The following SLC4A4 variants were observed in gnomAD, a reference collection of about 807,000 sequenced individuals.
SLC4A4 encodes electrogenic sodium bicarbonate cotransporter 1.
In SLC4A4, 27 loss-of-function variants were observed where a neutral mutation model predicts 111.5. That is an observed-to-expected ratio of 0.24 (90% CI 0.18 to 0.33). The LOEUF (loss-of-function observed/expected upper bound fraction) is 0.33, where lower values mean the gene tolerates loss of function less well. Ranked by LOEUF, SLC4A4 falls within the 10% of genes least tolerant of loss-of-function variation. The pLI is 1.00. For synonymous variants in SLC4A4, 443 were observed against 463.4 expected (o/e 0.96, Z 0.57); for missense variants, 909 against 1,315.5 (o/e 0.69, Z 4.78).
intron 1 of SLC4A4, among the ~76,000 whole-genome samples, chr4:71,196,980 C>T (rs975432768): frequency 6.6e-5 from 10 of 150,982 alleles, no homozygotes; most frequent in African/African-American, 1.7e-4. Context: ...TTTGGGAGGC[C>T]GAGGTGGGCG....
At position 71,155,055 on chromosome 4, in the gene SLC4A4, T is replaced by A. The variant is rs142333272; in HGVS notation, c.-2+62263T>A. On this transcript the variant is annotated intron_variant, in intron 2 of 26. Coordinates refer to the SLC4A4 transcript ENST00000649996. ...AATTTAGTGGGTCACAATGAGCATT[T>A]TGTGATATTTGTTTTTATTTGTATT... Among the ~76,000 whole-genome samples the A allele has an allele frequency of 2.3e-4, 35 of 149,710 alleles. No individual in the cohort carries two copies. In the East Asian group the frequency reaches 6.5e-3, roughly 28 times the overall value.
At chr4:71,239,278 T>C (rs1720022538) in intron 2 of SLC4A4, among the ~76,000 whole-genome samples, 1 of 152,182 alleles carries the variant, frequency 6.6e-6, no homozygotes, top group African/African-American at 2.4e-5. Flanking sequence ...TAAAACTTTG[T>C]TTTTTACAGT....
intron 3 of SLC4A4, among the ~76,000 whole-genome samples, chr4:71,274,848 C>T (rs1429510667): frequency 6.6e-6 from 1 of 152,132 alleles, no homozygotes; most frequent in African/African-American, 2.4e-5. Flanking sequence ...TAGTTTAGGT[C>T]ATAAAAAACT....
rs72860055 is a variant in SLC4A4 at position 71,162,612 on chromosome 4, A to C, written c.-2+69820A>C. Among the ~76,000 whole-genome samples the C allele has an allele frequency of 9.4e-3, 1,430 of 152,322 alleles. 26 individuals carry two copies. Among genetic ancestry groups the C allele is most frequent in the African/African-American group, 0.033 (1,355 of 41,568 alleles). ...AGAGAGGGGTGTGAACCACTAATGA[A>C]TGTAGACCACAGGGGAGAGTGGATT... On this transcript the variant is annotated intron_variant, in intron 2 of 26. Transcript: ENST00000649996.
intron 1 of SLC4A4, among the ~76,000 whole-genome samples, chr4:71,219,314 A>T (rs181583080): frequency 2.0e-5 from 3 of 152,334 alleles, no homozygotes; most frequent in East Asian, 1.9e-4. Flanking sequence ...CTTAAGATTT[A>T]TGCTAAATCT....
chr4:71,064,476 A>G (rs1214410493), intron 1 of SLC4A4, among the ~76,000 whole-genome samples: 1 of 152,244 alleles, frequency 6.6e-6, no homozygotes, highest in Non-Finnish European at 1.5e-5. Context: ...TTGGTGAATT[A>G]GGAAAATGAA....
At chr4:71,332,440 A>G (rs537029389) in intron 3 of SLC4A4, among the ~76,000 whole-genome samples, 17 of 126,172 alleles carry the variant, frequency 1.3e-4, no homozygotes, top group Non-Finnish European at 2.9e-4. Context: ...CTGACTGTGT[A>G]TTTTCTTTTT....
At chr4:71,101,944 A>G (rs36162373) in intron 2 of SLC4A4, among the ~76,000 whole-genome samples, 88,375 of 151,518 alleles carry the variant, frequency 0.58, 29,958 homozygotes, top group Non-Finnish European at 0.75. Flanking sequence ...GAGCTGAGAG[A>G]AGAAGGCTTC....
chr4:71,236,643 G>A lies in SLC4A4; in HGVS notation c.67G>A (p.Val23Ile). 1 of 1,613,626 alleles carries A rather than the reference G, an allele frequency of 6.2e-7. No homozygotes were observed. The highest frequency in any genetic ancestry group is 1.6e-4 in the Middle Eastern group (1 of 6,062). Residue 23 changes from valine (V) to isoleucine (I), a missense_variant, in exon 2 of 26, where the codon GTA becomes ATA. By Grantham distance (29) the Val-to-Ile change is conservative (BLOSUM62 3). This residue lies in a region of SLC4A4 where 117 missense variants were observed against 154.2 expected (regional missense o/e 0.76). Coordinates refer to ENST00000264485, the MANE Select transcript of SLC4A4 (RefSeq NM_001098484.3). Reference protein sequence around the residue: ...FLKHVCDEEEVEGHHTIYIGV... With the variant: ...FLKHVCDEEEIEGHHTIYIGV... ...CAAGCATGTGTGTGATGAAGAAGAA[G>A]TAGAAGGTGAGCTTTATGGGTCTGG...
intron 7 of SLC4A4, among the ~76,000 whole-genome samples, chr4:71,402,216 TA>T (rs568299055): frequency 5.3e-5 from 8 of 152,190 alleles, no homozygotes; most frequent in Non-Finnish European, 1.0e-4. Context: ...ATAACTATCT[TA>T]AAATGAAATC....
intron 2 of SLC4A4, among the ~76,000 whole-genome samples, chr4:71,138,107 G>C (rs1237017769): frequency 1.3e-5 from 2 of 152,186 alleles, no homozygotes; most frequent in Admixed American, 6.5e-5. Flanking sequence ...CAATATGTTA[G>C]TGTGCCCTTG....
At chr4:71,150,351 C>A (rs1015420753) in intron 2 of SLC4A4, among the ~76,000 whole-genome samples, 18 of 152,020 alleles carry the variant, frequency 1.2e-4, no homozygotes, top group African/African-American at 4.3e-4. Flanking sequence ...GAAACAGATG[C>A]CCTTCTCATA....
At chr4:71,234,874 G>A (rs1286931661) in intron 1 of SLC4A4, among the ~76,000 whole-genome samples, 3 of 152,164 alleles carry the variant, frequency 2.0e-5, no homozygotes, top group African/African-American at 7.2e-5. Flanking sequence ...ATACAAGGCC[G>A]ATATTATTGA....
At chr4:71,534,617 T>C (rs966890784) in intron 18 of SLC4A4, among the ~76,000 whole-genome samples, 15 of 152,238 alleles carry the variant, frequency 9.9e-5, no homozygotes, top group Admixed American at 7.2e-4. Context: ...ATCATATTTC[T>C]TTCACCAGCA....
intron 3 of SLC4A4, among the ~76,000 whole-genome samples, chr4:71,269,218 A>G (rs1054238893): frequency 6.6e-6 from 1 of 152,252 alleles, no homozygotes; most frequent in Non-Finnish European, 1.5e-5. Flanking sequence ...AAAGCTGGGT[A>G]TATTCAAAAT....
chr4:71,554,012 A>G (rs1230243213), intron 20 of SLC4A4, among the ~76,000 whole-genome samples: 1 of 151,862 alleles, frequency 6.6e-6, no homozygotes, highest in Non-Finnish European at 1.5e-5. Flanking sequence ...AAGCATCCCT[A>G]TGGCTAGCCA....
chr4:71,434,074 A>G (rs1044737666), intron 7 of SLC4A4, among the ~76,000 whole-genome samples: 3 of 152,102 alleles, frequency 2.0e-5, no homozygotes, highest in Non-Finnish European at 2.9e-5. Context: ...CACATGTATA[A>G]TACATTTTAC....
At chr4:71,142,867 C>T (rs1341318905) in intron 2 of SLC4A4, among the ~76,000 whole-genome samples, 1 of 151,206 alleles carries the variant, frequency 6.6e-6, no homozygotes, top group African/African-American at 2.4e-5. Flanking sequence ...GCAAACTGGC[C>T]CCAAAAATTC....
intron 3 of SLC4A4, among the ~76,000 whole-genome samples, chr4:71,337,206 A>G (rs1239974239): frequency 1.3e-5 from 2 of 152,142 alleles, no homozygotes; most frequent in African/African-American, 2.4e-5. Flanking sequence ...TGTTAACTGA[A>G]ATTTGAACTG....
Sources: allele counts gnomAD v4.1 joint callset (sites outside exome capture counted in the v4.1 genomes callset), GRCh38; gene constraint gnomAD v4.1.1; regional missense constraint gnomAD v4.1.1; transcripts MANE v1.5; gene names NCBI Gene and HGNC (gene_info 2026-07-23, HGNC 2026-07-21).